SRBD1: variants seen among roughly 807,000 people sequenced by gnomAD.
The protein encoded by SRBD1 is S1 RNA-binding domain-containing protein 1.
In SRBD1, 88 loss-of-function variants were observed where a neutral mutation model predicts 115.3. The ratio of observed to expected loss-of-function variants is 0.76; its 90% confidence interval spans 0.64 to 0.91. SRBD1 has a LOEUF of 0.91. Ranked by LOEUF, SRBD1 falls within the 40% of genes least tolerant of loss-of-function variation. The pLI is 0.00. For missense variants in SRBD1, 1,385 were observed against 1,177.4 expected (o/e 1.18, Z -2.58); for synonymous variants, 509 against 407.7 (o/e 1.25, Z -2.99).
At chr2:45,520,609 TA>T (rs946101240) in intron 14 of SRBD1, among the ~76,000 whole-genome samples, 102 of 152,016 alleles carry the variant, frequency 6.7e-4, no homozygotes, top group African/African-American at 2.3e-3. Flanking sequence ...CCTGAACCCA[TA>T]AAAACCCTGA....
At chr2:45,435,574 A>AAAAAAAAAAAC (rs1668469696) in intron 16 of SRBD1, among the ~76,000 whole-genome samples, 1 of 18,166 alleles carries the variant, frequency 5.5e-5, no homozygotes. Flanking sequence ...AAAAAAAAAC[A>AAAAAAAAAAAC]AAAAAAAAAA....
chr2:45,593,807 A>G (rs2104227097), intron 4 of SRBD1, among the ~76,000 whole-genome samples: 1 of 152,206 alleles, frequency 6.6e-6, no homozygotes, highest in East Asian at 1.9e-4. Flanking sequence ...TCTACTACAC[A>G]CACAAGTTTC....
At chr2:45,440,246 T>A (rs1367155544) in intron 16 of SRBD1, among the ~76,000 whole-genome samples, 1 of 151,824 alleles carries the variant, frequency 6.6e-6, no homozygotes, top group Non-Finnish European at 1.5e-5. Flanking sequence ...AAAAAATGAG[T>A]CTTTTTGTAT....
intron 19 of SRBD1, among the ~76,000 whole-genome samples, chr2:45,403,100 A>G (rs983251163): frequency 6.6e-6 from 1 of 152,200 alleles, no homozygotes; most frequent in African/African-American, 2.4e-5. Context: ...CATGGTCTCT[A>G]GACTTTTAGT....
At chr2:45,583,161 A>G (rs1673417848) in intron 5 of SRBD1, among the ~76,000 whole-genome samples, 1 of 152,162 alleles carries the variant, frequency 6.6e-6, no homozygotes, top group African/African-American at 2.4e-5. Context: ...AGATGATAAT[A>G]TGATTTATTC....
chr2:45,455,493 A>T (rs1310838307), intron 16 of SRBD1, among the ~76,000 whole-genome samples: 2 of 151,822 alleles, frequency 1.3e-5, no homozygotes, highest in Admixed American at 6.6e-5. Context: ...CAGAGCAAAA[A>T]CATAAATGTG....
chr2:45,404,040 T>C lies in SRBD1; in HGVS notation c.2513+9074A>G, dbSNP rs117395776. Among the ~76,000 whole-genome samples, 23 of 152,248 alleles carry C rather than the reference T, an allele frequency of 1.5e-4. No individual in the cohort carries two copies. The East Asian group carries it at 3.9e-3, about 26-fold the overall frequency. ...CCCAAAGTAGGAAGGATATAACTTA[T>C]ACTCACAGATACCATAACAGAGGTA... On this transcript the variant is annotated intron_variant, in intron 19 of 20. Coordinates refer to ENST00000263736, the MANE Select transcript of SRBD1 (RefSeq NM_018079.5).
chr2:45,430,248 C>A (rs569804123), intron 16 of SRBD1, among the ~76,000 whole-genome samples: 55 of 152,258 alleles, frequency 3.6e-4, no homozygotes, highest in African/African-American at 1.3e-3. Context: ...CTATCCCCCC[C>A]ATCAAGCTAC....
At chr2:45,408,192 T>G (rs191245874) in intron 19 of SRBD1, among the ~76,000 whole-genome samples, 1 of 152,254 alleles carries the variant, frequency 6.6e-6, no homozygotes, top group East Asian at 1.9e-4. Flanking sequence ...TTAAATGGGC[T>G]TTTTTCTTCC....
intron 16 of SRBD1, among the ~76,000 whole-genome samples, chr2:45,421,274 G>A (rs1572622091): frequency 6.6e-6 from 1 of 151,956 alleles, no homozygotes; most frequent in African/African-American, 2.4e-5. Context: ...TTGGGAGGCC[G>A]AGGTGGGCGG....
intron 4 of SRBD1, among the ~76,000 whole-genome samples, chr2:45,593,826 T>C (rs567259575): frequency 2.0e-5 from 3 of 152,230 alleles, no homozygotes; most frequent in South Asian, 4.2e-4. Flanking sequence ...TCCTTACAGA[T>C]TGCAAAAGGA....
intron 10 of SRBD1, among the ~76,000 whole-genome samples, chr2:45,556,033 T>C (rs1202291471): frequency 6.6e-6 from 1 of 152,242 alleles, no homozygotes; most frequent in Non-Finnish European, 1.5e-5. Context: ...TACATTTCAC[T>C]GAACAAACAT....
intron 15 of SRBD1, among the ~76,000 whole-genome samples, chr2:45,481,880 T>G (rs1191400374): frequency 6.6e-6 from 1 of 152,156 alleles, no homozygotes; most frequent in Non-Finnish European, 1.5e-5. Context: ...TATTGTATGA[T>G]TTCATTTATA....
At chr2:45,458,975 G>C (rs1368840650) in intron 16 of SRBD1, among the ~76,000 whole-genome samples, 1 of 152,034 alleles carries the variant, frequency 6.6e-6, no homozygotes, top group African/African-American at 2.4e-5. Context: ...AGCTTGATTA[G>C]GGGAGAGGAA....
chr2:45,486,773 A>C (rs1418549631), intron 15 of SRBD1, among the ~76,000 whole-genome samples: 1 of 151,540 alleles, frequency 6.6e-6, no homozygotes, highest in Non-Finnish European at 1.5e-5. Context: ...TAAATAAATA[A>C]ATTTTAAAAA....
intron 19 of SRBD1, among the ~76,000 whole-genome samples, chr2:45,395,392 G>A (rs985680302): frequency 6.6e-6 from 1 of 152,192 alleles, no homozygotes; most frequent in African/African-American, 2.4e-5. Context: ...GAGAGAGAGG[G>A]AGAGAGGAAC....
intron 16 of SRBD1, among the ~76,000 whole-genome samples, chr2:45,460,809 G>A (rs1669289595): frequency 6.6e-6 from 1 of 152,194 alleles, no homozygotes; most frequent in Non-Finnish European, 1.5e-5. Context: ...ACATCTGAAA[G>A]TTTGAGAGGC....
At chr2:45,449,352 G>C (rs956146544) in intron 16 of SRBD1, among the ~76,000 whole-genome samples, 1 of 152,104 alleles carries the variant, frequency 6.6e-6, no homozygotes, top group Non-Finnish European at 1.5e-5. Context: ...CCTGTTTACC[G>C]ACTGTGAGTC....
chr2:45,595,825 G>C (rs933193621), intron 4 of SRBD1, among the ~76,000 whole-genome samples: 6 of 152,134 alleles, frequency 3.9e-5, no homozygotes, highest in Non-Finnish European at 7.3e-5. Flanking sequence ...ACATGTAATA[G>C]TTTCCCAGGC....
Sources: gnomAD v4.1 joint callset for allele counts (sites outside exome capture counted in the v4.1 genomes callset) on GRCh38, gnomAD v4.1.1 for gene constraint, MANE v1.5 for transcripts, NCBI Gene and HGNC (gene_info 2026-07-23, HGNC 2026-07-21) for gene names.